The following CIT variants were observed in gnomAD, a reference collection of about 807,000 sequenced individuals.
CIT encodes citron Rho-interacting kinase.
CIT carries 79 observed loss-of-function variants against 272.7 expected under a neutral mutation model. That is an observed-to-expected ratio of 0.29 (90% CI 0.24 to 0.35). CIT has a LOEUF of 0.35. CIT is among the 10% of genes least tolerant of loss of function. The pLI, the probability that CIT is intolerant of heterozygous loss-of-function variation, is 1.00. For synonymous variants in CIT, 948 were observed against 995.6 expected (o/e 0.95, Z 0.90); for missense variants, 1,909 against 2,618.3 (o/e 0.73, Z 5.91).
chr12:119,804,226 A>C lies in CIT; in HGVS notation c.1112-837T>G. 1 of 984,972 alleles carries C rather than the reference A, an allele frequency of 1.0e-6. No homozygotes were observed. The highest frequency in any genetic ancestry group is 1.2e-6 in the Non-Finnish European group (1 of 829,910). The allele number at this position is 984,972 out of a possible 1,614,324, so 61.0% of individuals were successfully genotyped here. On this transcript the variant is annotated intron_variant, in intron 9 of 47. Coordinates refer to ENST00000392521, the MANE Select transcript of CIT (RefSeq NM_001206999.2). This position sits in a 1 kb window ranked among gnomAD's most constrained non-coding sequence, Gnocchi z 5.3. ...TCCTCTCCACTTCCTCCGACCTACT[A>C]AGCGCTCTCGGTCTGGGAGGTGGAC...
At chr12:119,809,494 T>C (rs1461686614) in intron 9 of CIT, among the ~76,000 whole-genome samples, 32 of 152,220 alleles carry the variant, frequency 2.1e-4, no homozygotes, top group Admixed American at 2.1e-3. Flanking sequence ...ATGACTCCCA[T>C]AGTCCTTGTT....
intron 24 of CIT, among the ~76,000 whole-genome samples, chr12:119,735,956 T>A (rs1958731082): frequency 6.6e-6 from 1 of 152,254 alleles, no homozygotes; most frequent in African/African-American, 2.4e-5. Flanking sequence ...ATGGCATGAC[T>A]TTAATGGATT....
intron 17 of CIT, among the ~76,000 whole-genome samples, chr12:119,771,229 A>G (rs910796468): frequency 1.3e-5 from 2 of 152,210 alleles, no homozygotes; most frequent in Non-Finnish European, 2.9e-5. Flanking sequence ...AAATAATCAT[A>G]ATATAGGTTA....
chr12:119,785,655 C>T (rs570006128), intron 10 of CIT, among the ~76,000 whole-genome samples: 1 of 152,238 alleles, frequency 6.6e-6, no homozygotes, highest in South Asian at 2.1e-4. Context: ...CCTCGGCTCA[C>T]TGCAACCTCC....
rs760839558 is a variant in CIT at position 119,718,199 on chromosome 12, C to CA, written c.4168+45dup. 4 of 1,566,394 alleles carry CA rather than the reference C, an allele frequency of 2.6e-6. No individual in the cohort carries two copies. The highest frequency in any genetic ancestry group is 3.5e-6 in the Non-Finnish European group (4 of 1,153,196). Reference sequence around the variant, plus strand: ...ACTTGTAATTTTTACCATATGCCCACATGTCTTAGTCGACTAAAAGAAATT... The same window carrying CA: ...ACTTGTAATTTTTACCATATGCCCACAATGTCTTAGTCGACTAAAAGAAATT... On this transcript the variant is annotated intron_variant, in intron 32 of 47. Coordinates refer to ENST00000392521, the MANE Select transcript of CIT (RefSeq NM_001206999.2). This position sits in a 1 kb window ranked among gnomAD's most constrained non-coding sequence, Gnocchi z 4.8.
At chr12:119,869,948 A>G (rs975269605) in intron 2 of CIT, among the ~76,000 whole-genome samples, 13 of 152,146 alleles carry the variant, frequency 8.5e-5, no homozygotes, top group African/African-American at 3.1e-4. Flanking sequence ...AGTTCACTGC[A>G]GGTCTGACTC....
intron 6 of CIT, 49 bp downstream of exon 6, chr12:119,834,037 C>G (rs199502528): frequency 6.5e-7 from 1 of 1,544,530 alleles, no homozygotes; most frequent in Non-Finnish European, 8.7e-7. Flanking sequence ...AACTCTTATG[C>G]GACACAGGAA....
intron 3 of CIT, among the ~76,000 whole-genome samples, chr12:119,859,662 CA>C (rs1950277216): frequency 6.6e-6 from 1 of 152,026 alleles, no homozygotes; most frequent in South Asian, 2.1e-4. Context: ...ACTAACAATA[CA>C]AAAATTAGCT....
chr12:119,850,395 G>T, intron 4 of CIT, 120 bp from the exon 5 acceptor site: 1 of 405,884 alleles, frequency 2.5e-6, no homozygotes, highest in Non-Finnish European at 4.3e-6. Flanking sequence ...AAAAGGCAAA[G>T]GAAAGAAGGG....
At chr12:119,798,172 C>T (rs541371151) in intron 10 of CIT, among the ~76,000 whole-genome samples, 1 of 152,274 alleles carries the variant, frequency 6.6e-6, no homozygotes, top group South Asian at 2.1e-4. Context: ...CGTCTACCTA[C>T]TCAATAAACA....
intron 32 of CIT, among the ~76,000 whole-genome samples, chr12:119,717,407 T>C (rs1284047115): frequency 8.1e-6 from 1 of 124,108 alleles, no homozygotes; most frequent in East Asian, 2.3e-4. Context: ...ATATTCTTTT[T>C]TCTTTTCTTT....
intron 15 of CIT, 58 bp downstream of exon 15, chr12:119,776,300 C>A (rs1963738608): frequency 7.6e-7 from 1 of 1,310,156 alleles, no homozygotes; most frequent in Non-Finnish European, 1.1e-6. Context: ...CTGATAATAA[C>A]ATGAAAAAAG....
In CIT at chr12:119,697,331, C is replaced by A. The variant is rs376775181; in HGVS notation, c.5882+328G>T. The stretch of plus-strand genomic sequence containing the variant: ...GCTTTATTCACCATTCTCCCTCCCC[C>A]ACAAGCCCAACAACTAGCACCGCAG... On this transcript the variant is annotated intron_variant, in intron 46 of 47. Coordinates refer to ENST00000392521, the MANE Select transcript of CIT (RefSeq NM_001206999.2). This position sits in a 1 kb window ranked among gnomAD's most constrained non-coding sequence, Gnocchi z 4.9. 1.3e-4 allele frequency among the ~76,000 whole-genome samples: 20 copies of A among 152,150 alleles called. No individual in the cohort carries two copies. The East Asian group carries it at 1.5e-3, about 12-fold the overall frequency.
intron 44 of CIT, chr12:119,699,869 C>T (rs181859174): frequency 2.3e-4 from 104 of 456,082 alleles, no homozygotes; most frequent in African/African-American, 1.7e-3. Flanking sequence ...GGTATCTGGG[C>T]CACGACGGCA....
At chr12:119,863,608 C>T (rs920315810) in intron 3 of CIT, among the ~76,000 whole-genome samples, 4 of 151,950 alleles carry the variant, frequency 2.6e-5, no homozygotes, top group Admixed American at 2.6e-4. Context: ...CTCACTGCAA[C>T]CTCTGCCTCC....
chr12:119,686,054 A>G lies in CIT; in HGVS notation c.*2178T>C, dbSNP rs1955564610. 6.6e-6 allele frequency: 1 copy of G among 152,584 alleles called. No individual in the cohort carries two copies. The highest frequency in any genetic ancestry group is 1.5e-5 in the Non-Finnish European group (1 of 68,036). The allele number at this position is 152,584 out of a possible 1,614,324, so 9.5% of individuals were successfully genotyped here. A position where few individuals can be genotyped will look rare whatever the true frequency, so the allele number is the denominator to read the frequency against. ...CCTCCAGTGAAGATGGCTGTCCACA[A>G]CTACCACCATTGAAACCAAAAGTAA... On this transcript the variant is annotated 3_prime_UTR_variant, in exon 48 of 48. Coordinates refer to ENST00000392521, the MANE Select transcript of CIT (RefSeq NM_001206999.2).
At chr12:119,850,049 C>A (rs1185644294) in intron 5 of CIT, 125 bp downstream of exon 5, 4 of 746,280 alleles carry the variant, frequency 5.4e-6, no homozygotes, top group Non-Finnish European at 9.6e-6. Context: ...AGGGAGACAC[C>A]TGTAAGGTAA....
In CIT at chr12:119,760,993, C is replaced by T. The variant is rs1273944078; in HGVS notation, c.2367G>A (p.Gln789=). ...TCTCATGGGCCTCCTCCTCGTGTCTCTGCATCATGTTCTCCAGTGTCTCCT... is the reference window on the plus strand; with the variant it reads ...TCTCATGGGCCTCCTCCTCGTGTCTTTGCATCATGTTCTCCAGTGTCTCCT... ...ADKETLENMM[Q]RHEEEAHEKG... is the part of the protein sequence containing the mutation. The change falls in exon 20 of 48, where the codon CAG becomes CAA. Residue 789 remains glutamine, a synonymous_variant. Coordinates refer to ENST00000392521, the MANE Select transcript of CIT (RefSeq NM_001206999.2). 6.2e-7 allele frequency: 1 copy of T among 1,614,194 alleles called. No homozygotes were observed. Among genetic ancestry groups the T allele is most frequent in the Admixed American group, 1.7e-5 (1 of 60,020 alleles).
chr12:119,812,004 G>A (rs1260535210), intron 9 of CIT, among the ~76,000 whole-genome samples: 1 of 147,338 alleles, frequency 6.8e-6, no homozygotes, highest in African/African-American at 2.5e-5. Context: ...GGAGTGCAGT[G>A]GCATGATCTC....
Sources: gnomAD v4.1 joint callset for allele counts (sites outside exome capture counted in the v4.1 genomes callset) on GRCh38, gnomAD v4.1.1 for gene constraint, Gnocchi (gnomAD v3.1) non-coding constraint, MANE v1.5 for transcripts, NCBI Gene and HGNC (gene_info 2026-07-23, HGNC 2026-07-21) for gene names.